GPC5: variants seen among roughly 807,000 people sequenced by gnomAD.
GPC5 encodes glypican-5.
Under a neutral mutation model 53.9 loss-of-function variants are expected in GPC5, and 47 were observed. The observed-to-expected ratio is 0.87, with a 90% CI of 0.69 to 1.11. GPC5 has a LOEUF of 1.11. Ranked by LOEUF, GPC5 falls within the 50% of genes most tolerant of loss-of-function variation. GPC5 has a pLI of 0.00. For missense variants in GPC5, 748 were observed against 713.1 expected (o/e 1.05, Z -0.56); for synonymous variants, 286 against 263.3 (o/e 1.09, Z -0.84).
intron 2 of GPC5, among the ~76,000 whole-genome samples, chr13:91,552,868 C>A (rs1170717542): frequency 6.6e-6 from 1 of 152,030 alleles, no homozygotes. Context: ...GGGCCTGCTC[C>A]CAACAGGAAT....
chr13:91,501,293 G>A (rs936807218), intron 2 of GPC5, among the ~76,000 whole-genome samples: 1 of 140,344 alleles, frequency 7.1e-6, no homozygotes, highest in Non-Finnish European at 1.5e-5. Flanking sequence ...TGTGCACAAC[G>A]TGCAGGTTTG....
chr13:92,866,222 C>T, intron 7 of GPC5, 60 bp from the exon 8 acceptor site: 1 of 1,477,226 alleles, frequency 6.8e-7, no homozygotes, highest in Non-Finnish European at 9.2e-7. Flanking sequence ...AAGAGTTGTT[C>T]TAGACGTATT....
intron 6 of GPC5, among the ~76,000 whole-genome samples, chr13:91,941,621 A>T (rs1369841704): frequency 6.6e-6 from 1 of 152,082 alleles, no homozygotes. Flanking sequence ...CAGCTGAATG[A>T]TCACATTGGT....
rs1876706715 is a variant in GPC5 at position 91,399,107 on chromosome 13, T to A, written c.61T>A (p.Ser21Thr). 4 of 1,603,400 alleles carry A rather than the reference T, an allele frequency of 2.5e-6. No homozygotes were observed. In the South Asian group the frequency reaches 3.4e-5, roughly 13 times the overall value. ...RCLLLLALVG[S>T]ARSEGVQTCE... ...CCTCCTCCTTCTGGCCCTGGTTGGG[T>A]CCGCCCGCAGCGAGGGCGTGCAGAC... The change falls in exon 1 of 8, where the codon TCC becomes ACC. Residue 21 changes from serine to threonine, a missense_variant. Transcript: ENST00000377067.
At chr13:91,473,735 C>T (rs1400098514) in intron 2 of GPC5, among the ~76,000 whole-genome samples, 3 of 152,080 alleles carry the variant, frequency 2.0e-5, no homozygotes, top group African/African-American at 7.2e-5. Context: ...TAGTAAGAAA[C>T]CTGTTTATGA....
intron 7 of GPC5, among the ~76,000 whole-genome samples, chr13:92,192,497 A>G (rs1397201981): frequency 2.0e-5 from 3 of 152,224 alleles, no homozygotes; most frequent in Non-Finnish European, 4.4e-5. Context: ...ATGCGTGATA[A>G]CAATGATCAT....
chr13:91,541,963 G>A (rs1263614731), intron 2 of GPC5, among the ~76,000 whole-genome samples: 1 of 150,610 alleles, frequency 6.6e-6, no homozygotes, highest in Admixed American at 6.6e-5. Context: ...GATTTAGTCA[G>A]GAATAGGTGC....
intron 7 of GPC5, among the ~76,000 whole-genome samples, chr13:92,335,156 C>T (rs988195229): frequency 2.6e-5 from 4 of 152,146 alleles, no homozygotes; most frequent in South Asian, 2.1e-4. Flanking sequence ...CAACACACCT[C>T]GGCCTAGACA....
chr13:92,219,361 G>A (rs1220448107), intron 7 of GPC5, among the ~76,000 whole-genome samples: 1 of 152,022 alleles, frequency 6.6e-6, no homozygotes, highest in Non-Finnish European at 1.5e-5. Flanking sequence ...GTAGGGTTTA[G>A]ATCTCTTACC....
intron 7 of GPC5, among the ~76,000 whole-genome samples, chr13:92,310,483 C>A (rs1293181741): frequency 6.6e-6 from 1 of 152,140 alleles, no homozygotes; most frequent in Non-Finnish European, 1.5e-5. Context: ...AACAGCTGTA[C>A]CTTTCTGGAA....
chr13:92,101,689 T>C (rs1278279345), intron 6 of GPC5, among the ~76,000 whole-genome samples: 2 of 152,196 alleles, frequency 1.3e-5, no homozygotes, highest in Admixed American at 6.5e-5. Flanking sequence ...GCAAAATCAA[T>C]AATTACAGCC....
At chr13:91,840,179 A>G (rs746802596) in intron 5 of GPC5, among the ~76,000 whole-genome samples, 34 of 152,070 alleles carry the variant, frequency 2.2e-4, no homozygotes, top group Admixed American at 2.6e-4. Flanking sequence ...ACTTTTTTCA[A>G]TGAAATATTA....
At chr13:91,978,621 C>T (rs1012457049) in intron 6 of GPC5, among the ~76,000 whole-genome samples, 1 of 152,104 alleles carries the variant, frequency 6.6e-6, no homozygotes, top group Non-Finnish European at 1.5e-5. Flanking sequence ...ATCAGATTTC[C>T]CTAAGTAGAG....
At chr13:91,727,966 A>T (rs936031089) in intron 3 of GPC5, among the ~76,000 whole-genome samples, 1 of 152,182 alleles carries the variant, frequency 6.6e-6, no homozygotes, top group Non-Finnish European at 1.5e-5. Context: ...TTATTTTTTA[A>T]AAAACACTGT....
intron 7 of GPC5, among the ~76,000 whole-genome samples, chr13:92,527,512 G>A (rs781040105): frequency 1.1e-4 from 16 of 152,030 alleles, no homozygotes; most frequent in Non-Finnish European, 2.1e-4. Context: ...AAAGGTCACC[G>A]GTGAGCTTGA....
intron 7 of GPC5, among the ~76,000 whole-genome samples, chr13:92,740,838 G>C (rs1276816674): frequency 1.3e-5 from 2 of 150,300 alleles, no homozygotes; most frequent in African/African-American, 4.9e-5. Context: ...AGAATATATT[G>C]GGGGAAAAGT....
intron 3 of GPC5, among the ~76,000 whole-genome samples, chr13:91,699,544 CT>C (rs2035951896): frequency 6.6e-6 from 1 of 152,032 alleles, no homozygotes; most frequent in Non-Finnish European, 1.5e-5. Flanking sequence ...TGATATTGAA[CT>C]TATGATTTAG....
At chr13:92,477,050 A>AT (rs546198693) in intron 7 of GPC5, among the ~76,000 whole-genome samples, 4,297 of 149,560 alleles carry the variant, frequency 0.029, 67 homozygotes, top group Middle Eastern at 0.038. Flanking sequence ...ATAATAATAA[A>AT]AAATAAATAA....
intron 2 of GPC5, among the ~76,000 whole-genome samples, chr13:91,626,805 G>A (rs2034015226): frequency 6.6e-6 from 1 of 151,984 alleles, no homozygotes; most frequent in Non-Finnish European, 1.5e-5. Flanking sequence ...ATCTCCTAAT[G>A]CTATCCCTCC....
Sources: gnomAD v4.1 joint callset for allele counts (sites outside exome capture counted in the v4.1 genomes callset) on GRCh38, gnomAD v4.1.1 for gene constraint, MANE v1.5 for transcripts, NCBI Gene and HGNC (gene_info 2026-07-23, HGNC 2026-07-21) for gene names.